The following ADAMTS14 variants were observed in gnomAD, a reference collection of about 807,000 sequenced individuals.
ADAMTS14 encodes ADAM metallopeptidase with thrombospondin type 1 motif 14.
In ADAMTS14, 100 loss-of-function variants were observed where a neutral mutation model predicts 128.6. The observed-to-expected ratio is 0.78, with a 90% CI of 0.66 to 0.92. The LOEUF (loss-of-function observed/expected upper bound fraction) is 0.92, where lower values mean the gene tolerates loss of function less well. Ranked by LOEUF, ADAMTS14 falls within the 40% of genes least tolerant of loss-of-function variation. The probability of loss-of-function intolerance (pLI) is 0.00; values close to 1 mark genes in which losing one functional copy is unlikely to be tolerated. For missense variants in ADAMTS14, 1,562 were observed against 1,658.6 expected, an observed-to-expected ratio of 0.94 and a Z score of 1.01; for synonymous variants, 665 against 653.8, an observed-to-expected ratio of 1.02 and a Z score of -0.26.
At position 70,702,273 on chromosome 10, in the gene ADAMTS14, T is replaced by C. The variant is rs531585135; in HGVS notation, c.523-39T>C. 35 of 1,613,462 alleles carry C rather than the reference T, an allele frequency of 2.2e-5. 1 individual carries two copies. In the South Asian group the frequency reaches 3.5e-4, roughly 16 times the overall value. ...GGCTGTACTGTGTGTTCATGCCTCT[T>C]ATTTCTCTCTTTCCCGCTGCTTGCC... On this transcript the variant is annotated intron_variant, in intron 2 of 21. Transcript: ENST00000373207.
chr10:70,729,887 C>G (rs138030960), intron 5 of ADAMTS14, among the ~76,000 whole-genome samples: 1 of 152,218 alleles, frequency 6.6e-6, no homozygotes, highest in Non-Finnish European at 1.5e-5. Context: ...CCGGCAGAAA[C>G]GCATCTCAGC....
chr10:70,696,255 T>A (rs572382230), intron 2 of ADAMTS14, among the ~76,000 whole-genome samples: 32 of 149,664 alleles, frequency 2.1e-4, no homozygotes, highest in Middle Eastern at 3.5e-3. Flanking sequence ...GAGCACGGAG[T>A]AGGGGGACCA....
intron 4 of ADAMTS14, among the ~76,000 whole-genome samples, chr10:70,726,543 G>A (rs567380044): frequency 2.6e-5 from 4 of 152,186 alleles, no homozygotes; most frequent in South Asian, 4.1e-4. Flanking sequence ...TGTGCAGAGC[G>A]TGCATTGCCT....
In ADAMTS14 at chr10:70,758,248, A is replaced by G. The variant is rs1262316531; in HGVS notation, c.3141A>G (p.Gln1047=). The G allele has an allele frequency of 2.5e-6, 4 of 1,614,212 alleles. No individual in the cohort carries two copies. Among genetic ancestry groups the G allele is most frequent in the South Asian group, 2.2e-5 (2 of 91,080 alleles). Residue 1047 remains glutamine, a synonymous_variant, in exon 21 of 22, where the codon CAA becomes CAG. Coordinates refer to ENST00000373207, the MANE Select transcript of ADAMTS14 (RefSeq NM_080722.4). ...LGTPEGQWVP[Q]SEPLHPINKI... is the part of the protein sequence containing the mutation. ...CGCCAGAGGGGCAGTGGGTGCCACAATCTGAACCCCTACATCCCATTAACA... is the reference window on the plus strand; with the variant it reads ...CGCCAGAGGGGCAGTGGGTGCCACAGTCTGAACCCCTACATCCCATTAACA...
At chr10:70,750,066 G>A (rs750483526) in intron 16 of ADAMTS14, 81 bp downstream of exon 16, 227 of 1,551,960 alleles carry the variant, frequency 1.5e-4, no homozygotes, top group Admixed American at 2.0e-4. Context: ...CCAAGCCAGC[G>A]TGACACCATT....
At chr10:70,749,361 C>T (rs949136298) in intron 15 of ADAMTS14, among the ~76,000 whole-genome samples, 1 of 152,188 alleles carries the variant, frequency 6.6e-6, no homozygotes, top group Non-Finnish European at 1.5e-5. Context: ...ACTGAGGCAG[C>T]ACAGTGGGGC....
chr10:70,724,088 T>C (rs1841354118), intron 4 of ADAMTS14, among the ~76,000 whole-genome samples: 1 of 152,228 alleles, frequency 6.6e-6, no homozygotes. Context: ...CAGTAGGTGC[T>C]TGGGGAGTAG....
chr10:70,721,429 A>C (rs1323146176), intron 4 of ADAMTS14, among the ~76,000 whole-genome samples: 1 of 150,804 alleles, frequency 6.6e-6, no homozygotes, highest in Non-Finnish European at 1.5e-5. Flanking sequence ...TCTATTGCCC[A>C]GGATGGAGTG....
In ADAMTS14 at chr10:70,760,825, G is replaced by A. The variant is rs1281050744; in HGVS notation, c.3644G>A (p.Ser1215Asn). ...GAAGACCTGAGACATCCCGGCACCA[G>A]CCTCCCTGCTGCCTCCCCGGTGACA... The part of the protein sequence containing the change: ...PGEDLRHPGT[S>N]LPAASPVT Residue 1215 changes from serine (S) to asparagine (N), a missense_variant, in exon 22 of 22, where the codon AGC becomes AAC. By Grantham distance (46) the Ser-to-Asn change is conservative (BLOSUM62 1). Coordinates refer to ENST00000373207, the MANE Select transcript of ADAMTS14 (RefSeq NM_080722.4). The A allele has an allele frequency of 1.9e-6, 3 of 1,584,784 alleles. No individual in the cohort carries two copies. The highest frequency in any genetic ancestry group is 2.7e-5 in the African/African-American group (2 of 74,340).
At chr10:70,733,218 T>C (rs1841706888) in intron 7 of ADAMTS14, among the ~76,000 whole-genome samples, 1 of 152,234 alleles carries the variant, frequency 6.6e-6, no homozygotes, top group African/African-American at 2.4e-5. Flanking sequence ...CCTGTGTATC[T>C]GCCTAGCAAT....
At chr10:70,675,446 T>C (rs1014978397) in intron 2 of ADAMTS14, among the ~76,000 whole-genome samples, 2 of 152,202 alleles carry the variant, frequency 1.3e-5, no homozygotes, top group Admixed American at 1.3e-4. Context: ...CGAGTGTTAA[T>C]GATATGGCCT....
chr10:70,744,030 G>A, intron 13 of ADAMTS14, 36 bp from the exon 14 acceptor site: 1 of 1,550,670 alleles, frequency 6.4e-7, no homozygotes, highest in Non-Finnish European at 8.7e-7. Flanking sequence ...TGGGGGCAGG[G>A]GAGCCTCCTC....
At chr10:70,752,807 G>A (rs1589341502) in intron 18 of ADAMTS14, among the ~76,000 whole-genome samples, 1 of 152,196 alleles carries the variant, frequency 6.6e-6, no homozygotes, top group Non-Finnish European at 1.5e-5. Context: ...CTGGGCTGGG[G>A]GAGCCCCAGG....
chr10:70,676,415 A>C (rs1839649056), intron 2 of ADAMTS14, among the ~76,000 whole-genome samples: 1 of 152,310 alleles, frequency 6.6e-6, no homozygotes, highest in East Asian at 1.9e-4. Context: ...CCCCAGAATA[A>C]ATTTTCATCC....
At chr10:70,752,832 T>C (rs1842388383) in intron 18 of ADAMTS14, among the ~76,000 whole-genome samples, 1 of 152,094 alleles carries the variant, frequency 6.6e-6, no homozygotes, top group Admixed American at 6.5e-5. Flanking sequence ...GGCATGTAAT[T>C]GGGGCAAGGG....
At chr10:70,696,875 G>T (rs1840346753) in intron 2 of ADAMTS14, among the ~76,000 whole-genome samples, 1 of 152,148 alleles carries the variant, frequency 6.6e-6, no homozygotes, top group South Asian at 2.1e-4. Context: ...CCTGTTGAGG[G>T]GAAGCAGCCA....
intron 5 of ADAMTS14, among the ~76,000 whole-genome samples, chr10:70,729,635 G>A (rs1841566085): frequency 6.6e-6 from 1 of 152,106 alleles, no homozygotes; most frequent in South Asian, 2.1e-4. Context: ...TGGGGAAACT[G>A]GGGCTTACAG....
intron 4 of ADAMTS14, among the ~76,000 whole-genome samples, chr10:70,727,585 T>C (rs1052225065): frequency 2.4e-4 from 19 of 77,942 alleles, no homozygotes; most frequent in African/African-American, 4.9e-4. Flanking sequence ...CATCCCTGAC[T>C]GCGCTGGTGG....
intron 2 of ADAMTS14, among the ~76,000 whole-genome samples, chr10:70,701,438 C>T (rs1045775590): frequency 2.0e-5 from 3 of 152,230 alleles, no homozygotes. Context: ...ATTTTCCATC[C>T]ACCACGGTAG....
Sources: allele counts gnomAD v4.1 joint callset (sites outside exome capture counted in the v4.1 genomes callset), GRCh38; gene constraint gnomAD v4.1.1; transcripts MANE v1.5; gene names NCBI Gene and HGNC (gene_info 2026-07-23, HGNC 2026-07-21).